Variants in CLINT1 observed in about 807,000 individuals in gnomAD.
CLINT1 encodes the protein clathrin interacting protein localized in the trans-Golgi region.
CLINT1 carries 15 observed loss-of-function variants against 70.4 expected under a neutral mutation model. That is an observed-to-expected ratio of 0.21 (90% confidence interval 0.14 to 0.33). CLINT1 has a LOEUF of 0.33. Ranked by LOEUF, CLINT1 falls within the 10% of genes least tolerant of loss-of-function variation. The probability of loss-of-function intolerance (pLI) is 1.00; values close to 1 mark genes in which losing one functional copy is unlikely to be tolerated. For missense variants in CLINT1, 615 were observed against 778.1 expected (o/e 0.79, Z 2.49); for synonymous variants, 227 against 254.7 (o/e 0.89, Z 1.04).
In CLINT1 at chr5:157,859,113, A is replaced by T; in HGVS notation, c.-143T>A. Reference sequence around the variant, plus strand: ...CCCAGTCAGCTCCTTCCTTTGCCACAGCAGCGGCGCCGCCGGTGACACGTC... The same window carrying T: ...CCCAGTCAGCTCCTTCCTTTGCCACTGCAGCGGCGCCGCCGGTGACACGTC... On this transcript the variant is annotated 5_prime_UTR_variant, in exon 1 of 12. Coordinates refer to ENST00000411809, the MANE Select transcript of CLINT1 (RefSeq NM_014666.4). 1 of 798,628 alleles carries T rather than the reference A, an allele frequency of 1.3e-6. No individual in the cohort carries two copies. Among genetic ancestry groups the T allele is most frequent in the Non-Finnish European group, 1.9e-6 (1 of 531,130 alleles). The allele number at this position is 798,628 out of a possible 1,614,324, so 49.5% of individuals were successfully genotyped here. A position where few individuals can be genotyped will look rare whatever the true frequency, so the allele number is the denominator to read the frequency against.
intron 1 of CLINT1, among the ~76,000 whole-genome samples, chr5:157,846,865 A>C (rs1425218162): frequency 3.9e-5 from 6 of 152,194 alleles, no homozygotes; most frequent in Non-Finnish European, 7.3e-5. Flanking sequence ...CAAAGCCTAA[A>C]TGATGGCGCA....
intron 9 of CLINT1, among the ~76,000 whole-genome samples, chr5:157,794,651 A>G (rs2113138387): frequency 2.0e-5 from 3 of 152,314 alleles, no homozygotes; most frequent in African/African-American, 2.4e-5. Flanking sequence ...CAAAAAAGCT[A>G]AACAAGAGTC....
At chr5:157,823,204 C>A (rs1169176793) in intron 1 of CLINT1, among the ~76,000 whole-genome samples, 1 of 152,110 alleles carries the variant, frequency 6.6e-6, no homozygotes, top group Non-Finnish European at 1.5e-5. Context: ...ACAGAAACAT[C>A]TGGAGACAGA....
At chr5:157,810,896 C>G (rs1331725523) in intron 5 of CLINT1, among the ~76,000 whole-genome samples, 1 of 152,236 alleles carries the variant, frequency 6.6e-6, no homozygotes, top group African/African-American at 2.4e-5. Flanking sequence ...AACGATTTTG[C>G]TGAATTGCCT....
chr5:157,790,868 G>A (rs745738116), intron 10 of CLINT1, among the ~76,000 whole-genome samples: 38 of 152,144 alleles, frequency 2.5e-4, no homozygotes, highest in Non-Finnish European at 4.4e-4. Context: ...AAAGTTGAAA[G>A]ATGAGCCTAT....
intron 10 of CLINT1, chr5:157,790,547 C>G: frequency 2.4e-6 from 1 of 411,590 alleles, no homozygotes; most frequent in African/African-American, 2.1e-5. Context: ...AGTAGACTGA[C>G]TTTATGCTTA....
intron 1 of CLINT1, among the ~76,000 whole-genome samples, chr5:157,818,325 C>T (rs752051074): frequency 2.0e-5 from 3 of 151,984 alleles, no homozygotes; most frequent in Non-Finnish European, 4.4e-5. Context: ...AATAAGAATA[C>T]TACCTCAAAG....
At chr5:157,821,022 A>G (rs1438844450) in intron 1 of CLINT1, among the ~76,000 whole-genome samples, 1 of 152,312 alleles carries the variant, frequency 6.6e-6, no homozygotes, top group African/African-American at 2.4e-5. Flanking sequence ...CTAAATTGAG[A>G]TTCCTAACTT....
At chr5:157,788,111 T>C in intron 11 of CLINT1, 119 bp from the exon 12 acceptor site, 1 of 808,004 alleles carries the variant, frequency 1.2e-6, no homozygotes, top group Middle Eastern at 3.4e-4. Context: ...TAAAATTCCT[T>C]TACAGTGATT....
intron 1 of CLINT1, among the ~76,000 whole-genome samples, chr5:157,828,230 G>A (rs369813804): frequency 7.9e-5 from 12 of 152,244 alleles, no homozygotes; most frequent in East Asian, 5.8e-4. Flanking sequence ...ATGCTAAGGC[G>A]TTTTTATTTT....
At chr5:157,851,686 CAAA>C (rs34229522) in intron 1 of CLINT1, among the ~76,000 whole-genome samples, 6 of 88,942 alleles carry the variant, frequency 6.7e-5, no homozygotes, top group East Asian at 6.8e-4. Context: ...GACCCCGTCT[CAAA>C]AAAAAAAAAA....
At chr5:157,826,505 G>A (rs1406526718) in intron 1 of CLINT1, among the ~76,000 whole-genome samples, 1 of 133,076 alleles carries the variant, frequency 7.5e-6, no homozygotes, top group Non-Finnish European at 1.6e-5. Context: ...CAAGAGGCTG[G>A]CTTTCAGTCA....
At chr5:157,814,086 C>T (rs1762640494) in intron 4 of CLINT1, 99 bp downstream of exon 4, 1 of 760,436 alleles carries the variant, frequency 1.3e-6, no homozygotes, top group African/African-American at 1.7e-5. Flanking sequence ...CAGCAACAGT[C>T]ACATTCTAAT....
At chr5:157,789,097 T>G (rs1340203304) in intron 11 of CLINT1, among the ~76,000 whole-genome samples, 2 of 151,984 alleles carry the variant, frequency 1.3e-5, no homozygotes, top group African/African-American at 2.4e-5. Context: ...AAAATCTGTA[T>G]AGCAAATTTT....
At chr5:157,850,612 C>CAAA (rs67243040) in intron 1 of CLINT1, among the ~76,000 whole-genome samples, 12 of 60,348 alleles carry the variant, frequency 2.0e-4, no homozygotes, top group Non-Finnish European at 2.6e-4. Flanking sequence ...GACCCTGTCT[C>CAAA]AAAAAAAAAA....
intron 1 of CLINT1, among the ~76,000 whole-genome samples, chr5:157,850,157 C>G (rs1412386400): frequency 6.6e-6 from 1 of 152,150 alleles, no homozygotes; most frequent in East Asian, 1.9e-4. Flanking sequence ...AGATGAGAAG[C>G]CACTGGAGAA....
At chr5:157,820,784 A>G (rs1312120849) in intron 1 of CLINT1, among the ~76,000 whole-genome samples, 2 of 152,186 alleles carry the variant, frequency 1.3e-5, no homozygotes, top group Admixed American at 1.3e-4. Context: ...AAAAATGGCT[A>G]GTTTAATTCT....
In CLINT1 at chr5:157,787,990, T is replaced by C. The variant is rs1262232921; in HGVS notation, c.1534A>G (p.Met512Val). ...SLNTMIQQQN[M>V]QQPMNVMTQS... is the part of the protein sequence containing the mutation. ...GTCATCACATTCATAGGCTGCTGCA[T>C]ATCTACCAGACGAAAACAGACAGAA... The change falls in exon 12 of 12, where the codon ATG (methionine) becomes GTG (valine). Residue 512 changes from methionine (M) to valine (V), a missense_variant and splice_region_variant. By Grantham distance (21) the Met-to-Val change is conservative. Around this residue, in one of 2 missense-constraint regions of CLINT1, gnomAD observed 374 missense variants for 409.6 expected, o/e 0.91. Transcript: ENST00000411809. 1 of 1,603,148 alleles carries C rather than the reference T, an allele frequency of 6.2e-7. No individual in the cohort carries two copies. The highest frequency in any genetic ancestry group is 8.5e-7 in the Non-Finnish European group (1 of 1,174,168).
At position 157,813,221 on chromosome 5, in the gene CLINT1, T is replaced by C. The variant is rs566963901; in HGVS notation, c.359A>G (p.His120Arg). The change falls in exon 5 of 12, where the codon CAT becomes CGT. Residue 120 changes from histidine to arginine, a missense_variant. Transcript: ENST00000411809. ...SLENYHFVDEHGKDQGINIRQ... is the reference protein window; with the variant it reads ...SLENYHFVDERGKDQGINIRQ... ...AATATTTATACCTTGATCCTTACCA[T>C]GCTCATCTATGAGGATGGTAAGAGA... is the stretch of plus-strand genomic sequence containing the variant. 1.2e-5 allele frequency: 20 copies of C among 1,612,346 alleles called. No homozygotes were observed. In the South Asian group the frequency reaches 2.0e-4, roughly 16 times the overall value.
Sources: gnomAD v4.1 joint callset for allele counts (sites outside exome capture counted in the v4.1 genomes callset) on GRCh38, gnomAD v4.1.1 for gene constraint, gnomAD v4.1.1 regional missense constraint, MANE v1.5 for transcripts, NCBI Gene and HGNC (gene_info 2026-07-23, HGNC 2026-07-21) for gene names.